SEPTIN7: variants seen among roughly 807,000 people sequenced by gnomAD.
SEPTIN7 encodes septin-7.
A neutral mutation model predicts 63.3 loss-of-function variants in SEPTIN7; 10 were observed. That is an observed-to-expected ratio of 0.16 (90% confidence interval 0.10 to 0.27). SEPTIN7 has a LOEUF of 0.27. SEPTIN7 is among the 10% of genes least tolerant of loss of function. SEPTIN7 has a pLI of 1.00. For synonymous variants in SEPTIN7, 131 were observed against 165.3 expected, an observed-to-expected ratio of 0.79 and a Z score of 1.59; for missense variants, 310 against 521.0, an observed-to-expected ratio of 0.59 and a Z score of 3.94.
chr7:35,855,660 G>A (rs1412334293), intron 3 of SEPTIN7, among the ~76,000 whole-genome samples: 1 of 152,076 alleles, frequency 6.6e-6, no homozygotes, highest in Non-Finnish European at 1.5e-5. Context: ...CTAAGTAGGT[G>A]GATGGATTGT....
At chr7:35,821,870 C>T (rs1210371652) in intron 1 of SEPTIN7, among the ~76,000 whole-genome samples, 5 of 152,180 alleles carry the variant, frequency 3.3e-5, no homozygotes, top group South Asian at 2.1e-4. Context: ...CATCCACCTC[C>T]GGGGTTCAGA....
At chr7:35,879,414 G>A (rs1363843467) in intron 6 of SEPTIN7, among the ~76,000 whole-genome samples, 1 of 151,952 alleles carries the variant, frequency 6.6e-6, no homozygotes, top group African/African-American at 2.4e-5. Flanking sequence ...CTGGGAGGTG[G>A]GTTGCAGTGA....
intron 3 of SEPTIN7, among the ~76,000 whole-genome samples, chr7:35,859,467 T>C (rs1785387051): frequency 6.6e-6 from 1 of 152,250 alleles, no homozygotes; most frequent in Admixed American, 6.5e-5. Flanking sequence ...TAGACTGCTG[T>C]TGTTGGATGC....
At chr7:35,914,468 G>A in the SEPTIN7 span, among the ~76,000 whole-genome samples, 149 of 152,262 alleles carry the variant, frequency 9.8e-4, no homozygotes, top group East Asian at 0.024. Context: ...AAGGAAGAAG[G>A]AATTATGCCT....
downstream of SEPTIN7, among the ~76,000 whole-genome samples, chr7:35,908,512 G>C (rs1436407523): frequency 1.3e-5 from 2 of 152,160 alleles, no homozygotes; most frequent in Admixed American, 6.5e-5. Flanking sequence ...TCTTTTAGAT[G>C]CTGTTTGTGG....
chr7:35,868,696 G>A (rs1391310968), intron 4 of SEPTIN7, among the ~76,000 whole-genome samples: 1 of 152,122 alleles, frequency 6.6e-6, no homozygotes, highest in Non-Finnish European at 1.5e-5. Context: ...CCTGAGAATG[G>A]TTATATCCTG....
chr7:35,902,855 C>A lies in SEPTIN7; in HGVS notation c.1135-221C>A, dbSNP rs75237651. Reference sequence around the variant, plus strand: ...AAGTTTGTTGCTTTTTTTTTTTTTCCTGTTTCCCAAGATTATTGTCTTGGG... The same window carrying A: ...AAGTTTGTTGCTTTTTTTTTTTTTCATGTTTCCCAAGATTATTGTCTTGGG... On this transcript the variant is annotated intron_variant, in intron 12 of 13. Coordinates refer to ENST00000350320, the MANE Select transcript of SEPTIN7 (RefSeq NM_001788.6). The A allele has an allele frequency of 0.05, 23,274 of 468,106 alleles. 749 individuals carry two copies. Among genetic ancestry groups the A allele is most frequent in the South Asian group, 0.16 (1,775 of 10,890 alleles). The allele number at this position is 468,106 out of a possible 1,614,324, so 29.0% of individuals were successfully genotyped here.
intron 3 of SEPTIN7, among the ~76,000 whole-genome samples, chr7:35,836,660 GTTAC>G (rs1300274180): frequency 2.6e-5 from 4 of 152,112 alleles, no homozygotes; most frequent in South Asian, 2.1e-4. Context: ...AAGTTTAGGA[GTTAC>G]TTAGTTAGTG....
intron 3 of SEPTIN7, among the ~76,000 whole-genome samples, chr7:35,858,027 C>A (rs1424413806): frequency 1.3e-5 from 2 of 152,112 alleles, no homozygotes; most frequent in Admixed American, 6.5e-5. Flanking sequence ...ACTGCAGCCT[C>A]TTCCTCCTGG....
intron 3 of SEPTIN7, among the ~76,000 whole-genome samples, chr7:35,843,130 C>T (rs753207457): frequency 1.3e-5 from 2 of 152,180 alleles, no homozygotes; most frequent in Non-Finnish European, 2.9e-5. Context: ...TCACCTCCTT[C>T]AGGTTCTTCC....
intron 4 of SEPTIN7, among the ~76,000 whole-genome samples, chr7:35,868,574 T>C (rs1785958407): frequency 6.6e-6 from 1 of 151,894 alleles, no homozygotes; most frequent in Non-Finnish European, 1.5e-5. Flanking sequence ...GGTTGAGAAG[T>C]GAGTGGTGAG....
downstream of SEPTIN7, among the ~76,000 whole-genome samples, chr7:35,910,127 A>T (rs1788715392): frequency 6.6e-6 from 1 of 152,204 alleles, no homozygotes; most frequent in South Asian, 2.1e-4. Context: ...AGAGCAAGTA[A>T]TCCAAGAGAG....
chr7:35,885,096 C>T (rs1787146687), intron 9 of SEPTIN7, among the ~76,000 whole-genome samples: 1 of 152,046 alleles, frequency 6.6e-6, no homozygotes, highest in Admixed American at 6.6e-5. Context: ...GTGATCCTCC[C>T]ACATCATGCT....
At chr7:35,827,615 A>C (rs1583516758) in intron 1 of SEPTIN7, among the ~76,000 whole-genome samples, 1 of 151,922 alleles carries the variant, frequency 6.6e-6, no homozygotes, top group African/African-American at 2.4e-5. Flanking sequence ...CTCAGCCTCC[A>C]GAGTAGCTGG....
At chr7:35,853,072 C>G (rs1446721078) in intron 3 of SEPTIN7, among the ~76,000 whole-genome samples, 5 of 152,144 alleles carry the variant, frequency 3.3e-5, no homozygotes, top group Admixed American at 6.5e-5. Flanking sequence ...TAGTTTCTCT[C>G]TTCTTCCTGT....
chr7:35,857,861 C>G (rs1339057227), intron 3 of SEPTIN7, among the ~76,000 whole-genome samples: 1 of 151,906 alleles, frequency 6.6e-6, no homozygotes, highest in African/African-American at 2.4e-5. Flanking sequence ...ATCACTGTTT[C>G]CAAAAAGGAA....
At chr7:35,856,788 G>A (rs1785236753) in intron 3 of SEPTIN7, among the ~76,000 whole-genome samples, 1 of 152,068 alleles carries the variant, frequency 6.6e-6, no homozygotes, top group Non-Finnish European at 1.5e-5. Context: ...ATTTCTCATC[G>A]AGGTTTGTGT....
intron 4 of SEPTIN7, among the ~76,000 whole-genome samples, chr7:35,869,700 ACT>A (rs1786029432): frequency 6.6e-6 from 1 of 152,070 alleles, no homozygotes; most frequent in Non-Finnish European, 1.5e-5. Context: ...GTATACTGGA[ACT>A]CTTGTATACT....
rs576148912 is a variant in SEPTIN7 at position 35,877,327 on chromosome 7, C to A, written c.513-2496C>A. Among the ~76,000 whole-genome samples, 14 of 152,224 alleles carry A rather than the reference C, an allele frequency of 9.2e-5. No homozygotes were observed. In the South Asian group the frequency reaches 2.7e-3, roughly 29 times the overall value. On this transcript the variant is annotated intron_variant, in intron 6 of 13. Transcript: ENST00000350320. ...TTAATTCTCCATGTTTGCTTTCTCC[C>A]CCTCACTGTCTCTGTCTTTCTGCCT...
Sources: allele counts gnomAD v4.1 joint callset (sites outside exome capture counted in the v4.1 genomes callset), GRCh38; gene constraint gnomAD v4.1.1; transcripts MANE v1.5; gene names NCBI Gene and HGNC (gene_info 2026-07-23, HGNC 2026-07-21).